EYA1: variants seen among roughly 807,000 people sequenced by gnomAD.
EYA1 encodes EYA transcriptional coactivator and phosphatase 1, also known as protein phosphatase EYA1.
In EYA1, 16 loss-of-function variants were observed where a neutral mutation model predicts 82.0. The observed-to-expected ratio is 0.20, with a 90% CI of 0.13 to 0.30. The LOEUF (loss-of-function observed/expected upper bound fraction) is 0.30. Among genes scored for constraint, EYA1 ranks in the 10% least tolerant of loss-of-function variants. The pLI is 1.00. For synonymous variants in EYA1, 261 were observed against 264.4 expected (o/e 0.99, Z 0.12); for missense variants, 633 against 730.7 (o/e 0.87, Z 1.54).
At chr8:71,303,315 T>TATAC (rs1554543363) in intron 7 of EYA1, among the ~76,000 whole-genome samples, 1 of 131,886 alleles carries the variant, frequency 7.6e-6, no homozygotes, top group African/African-American at 2.7e-5. Context: ...ACATTTGATA[T>TATAC]ACACACACAC....
intron 2 of EYA1, among the ~76,000 whole-genome samples, chr8:71,479,090 C>T (rs1342216132): frequency 6.6e-6 from 1 of 152,114 alleles, no homozygotes; most frequent in Admixed American, 6.5e-5. Flanking sequence ...GACCTACTTT[C>T]CCACACCACA....
intron 11 of EYA1, among the ~76,000 whole-genome samples, chr8:71,266,415 T>C (rs1815817878): frequency 6.6e-6 from 1 of 152,204 alleles, no homozygotes; most frequent in Non-Finnish European, 1.5e-5. Context: ...CAAAGCTTGA[T>C]GATCAGATTT....
intron 2 of EYA1, among the ~76,000 whole-genome samples, chr8:71,484,858 C>G (rs1810441375): frequency 6.6e-6 from 1 of 152,206 alleles, no homozygotes; most frequent in Non-Finnish European, 1.5e-5. Flanking sequence ...GGCCTTGGCT[C>G]CAGACTGGCC....
At chr8:71,260,391 T>C (rs977904892) in intron 11 of EYA1, among the ~76,000 whole-genome samples, 1 of 152,196 alleles carries the variant, frequency 6.6e-6, no homozygotes, top group Non-Finnish European at 1.5e-5. Context: ...TTAATTCTTA[T>C]CCTATTATTT....
chr8:71,407,897 A>G (rs1830352848), intron 2 of EYA1, among the ~76,000 whole-genome samples: 1 of 150,114 alleles, frequency 6.7e-6, no homozygotes, highest in Non-Finnish European at 1.5e-5. Flanking sequence ...CCTTGAGAAG[A>G]GCAACTCCAA....
chr8:71,301,060 G>A (rs1054142845), intron 7 of EYA1, among the ~76,000 whole-genome samples: 2 of 152,068 alleles, frequency 1.3e-5, no homozygotes, highest in South Asian at 2.1e-4. Flanking sequence ...AGAGTTTTAC[G>A]GCAAATGAGC....
chr8:71,375,694 T>C (rs1346498517), intron 2 of EYA1, among the ~76,000 whole-genome samples: 2 of 152,170 alleles, frequency 1.3e-5, no homozygotes, highest in Non-Finnish European at 2.9e-5. Flanking sequence ...AGTGGCGTGA[T>C]CTCGGCTCAC....
At chr8:71,484,926 AT>A (rs1420281651) in intron 2 of EYA1, among the ~76,000 whole-genome samples, 2 of 152,156 alleles carry the variant, frequency 1.3e-5, no homozygotes, top group Non-Finnish European at 2.9e-5. Context: ...CGCCTGTGAA[AT>A]TCTTCACAAG....
intron 1 of EYA1, among the ~76,000 whole-genome samples, chr8:71,539,884 G>C (rs2129290527): frequency 6.6e-6 from 1 of 152,278 alleles, no homozygotes; most frequent in South Asian, 2.1e-4. Flanking sequence ...TGATCTAACA[G>C]ACTCTGCAGA....
chr8:71,546,508 C>CT (rs1448595609), intron 1 of EYA1, among the ~76,000 whole-genome samples: 107 of 135,914 alleles, frequency 7.9e-4, no homozygotes, highest in African/African-American at 3.1e-3. Context: ...TCTACTGATT[C>CT]TTATTTTTTT....
intron 11 of EYA1, among the ~76,000 whole-genome samples, chr8:71,267,155 A>G (rs757951113): frequency 3.9e-5 from 6 of 152,120 alleles, no homozygotes; most frequent in Non-Finnish European, 7.4e-5. Context: ...ATGACTTCCC[A>G]TGGCACATGC....
At chr8:71,543,465 A>G (rs1197741192) in intron 1 of EYA1, among the ~76,000 whole-genome samples, 1 of 152,200 alleles carries the variant, frequency 6.6e-6, no homozygotes, top group African/African-American at 2.4e-5. Flanking sequence ...TACATTCCTA[A>G]AATTATCAAC....
intron 2 of EYA1, among the ~76,000 whole-genome samples, chr8:71,392,268 C>A (rs776530718): frequency 5.3e-5 from 8 of 152,096 alleles, no homozygotes; most frequent in Non-Finnish European, 1.2e-4. Flanking sequence ...ACCCCCGCAC[C>A]CTTTGGCTTG....
chr8:71,321,860 G>A lies in EYA1; in HGVS notation c.292C>T (p.Leu98Phe), dbSNP rs766184209. 3 of 1,614,110 alleles carry A rather than the reference G, an allele frequency of 1.9e-6. No homozygotes were observed. In the African/African-American group the frequency reaches 4.0e-5, roughly 22 times the overall value. Residue 98 changes from leucine to phenylalanine, a missense_variant, in exon 6 of 18, where the codon CTC becomes TTC. By Grantham distance (22) the Leu-to-Phe change is conservative. Transcript: ENST00000340726. ...YPSNRPYPHILPTPSSQTMAA... is the reference protein window; with the variant it reads ...YPSNRPYPHIFPTPSSQTMAA... ...ATAGTTTGTGAGGAAGGGGTAGGGAGAATATGTGGGTATGGTCTGCTATTT... is the reference window on the plus strand; with the variant it reads ...ATAGTTTGTGAGGAAGGGGTAGGGAAAATATGTGGGTATGGTCTGCTATTT...
chr8:71,281,967 A>G (rs965939525), intron 9 of EYA1, among the ~76,000 whole-genome samples: 6 of 152,176 alleles, frequency 3.9e-5, no homozygotes, highest in Admixed American at 6.5e-5. Flanking sequence ...GGCGCTGCCT[A>G]TATTTATTAT....
At chr8:71,380,813 T>C (rs897428015) in intron 2 of EYA1, among the ~76,000 whole-genome samples, 1 of 152,214 alleles carries the variant, frequency 6.6e-6, no homozygotes, top group African/African-American at 2.4e-5. Context: ...GCTGGAAACA[T>C]ACAGATTTTC....
chr8:71,221,081 CAGAGAGAGTTGCAA>C (rs1470305047), intron 12 of EYA1, among the ~76,000 whole-genome samples: 7 of 152,308 alleles, frequency 4.6e-5, no homozygotes, highest in African/African-American at 1.7e-4. Context: ...TCTATTTAGC[CAGAGAGAGTTGCAA>C]AGGTCTGAAG....
chr8:71,387,188 A>G (rs1829015521), intron 2 of EYA1, among the ~76,000 whole-genome samples: 1 of 152,110 alleles, frequency 6.6e-6, no homozygotes, highest in African/African-American at 2.4e-5. Flanking sequence ...GGAAAGCATG[A>G]CAGTCAGTGA....
intron 2 of EYA1, among the ~76,000 whole-genome samples, chr8:71,426,331 G>A (rs1586695099): frequency 6.6e-6 from 1 of 152,318 alleles, no homozygotes; most frequent in African/African-American, 2.4e-5. Flanking sequence ...AACAAGGAAA[G>A]GGAACCACAA....
Sources: allele counts gnomAD v4.1 joint callset (sites outside exome capture counted in the v4.1 genomes callset), GRCh38; gene constraint gnomAD v4.1.1; transcripts MANE v1.5; gene names NCBI Gene and HGNC (gene_info 2026-07-23, HGNC 2026-07-21).